DOCK2: variants seen among roughly 807,000 people sequenced by gnomAD.
The protein encoded by DOCK2 is dedicator of cytokinesis protein 2.
In DOCK2, 87 loss-of-function variants were observed where a neutral mutation model predicts 248.9. That is an observed-to-expected ratio of 0.35 (90% CI 0.29 to 0.42). The LOEUF is 0.42. Among genes scored for constraint, DOCK2 ranks in the 10% least tolerant of loss-of-function variants. The pLI, the probability that DOCK2 is intolerant of heterozygous loss-of-function variation, is 1.00. For synonymous variants in DOCK2, 805 were observed against 821.6 expected (o/e 0.98, Z 0.35); for missense variants, 1,747 against 2,300.2 (o/e 0.76, Z 4.92).
rs561467559 is a variant in DOCK2, at chr5:170,022,621, C to A, written c.3381+3513C>A. Among the ~76,000 whole-genome samples the A allele has an allele frequency of 2.2e-4, 33 of 152,204 alleles. 1 individual carries two copies. Among genetic ancestry groups the A allele is most frequent in the Non-Finnish European group, 4.1e-4 (28 of 68,018 alleles). ...TTTCAGCAAGAGGGCCTTAGGTGGA[C>A]CCCATTGTGGCCGGCTTGGCCAGGA... On this transcript the variant is annotated intron_variant, in intron 33 of 51. Transcript: ENST00000520908.
At chr5:169,655,806 A>G (rs1381634515) in intron 2 of DOCK2, among the ~76,000 whole-genome samples, 1 of 152,242 alleles carries the variant, frequency 6.6e-6, no homozygotes, top group Non-Finnish European at 1.5e-5. Flanking sequence ...GTGGGCAAAT[A>G]ATTTGAAATT....
In DOCK2 at chr5:170,081,938, A is replaced by G. The variant is rs2113881277; in HGVS notation, c.5384A>G (p.Lys1795Arg). 1 of 1,614,162 alleles carries G rather than the reference A, an allele frequency of 6.2e-7. No homozygotes were observed. The highest frequency in any genetic ancestry group is 2.2e-5 in the East Asian group (1 of 44,878). Residue 1795 changes from lysine to arginine, a missense_variant, in exon 51 of 52, where the codon AAG (lysine) becomes AGG (arginine). Lys to Arg is a conservative substitution (Grantham distance 26). Around this residue, in one of 4 missense-constraint regions of DOCK2, gnomAD observed 513 missense variants for 586.1 expected, o/e 0.88. Coordinates refer to ENST00000520908, the MANE Select transcript of DOCK2 (RefSeq NM_004946.3). ...QTFLQLSDGD[K>R]KTLTRKKVNQ... is the part of the protein sequence containing the mutation. ...TTCCTCCAACTCTCAGATGGTGACA[A>G]GAAGACACTCACACGGAAGAAGGTC...
chr5:170,022,624 C>A (rs550313550), intron 33 of DOCK2, among the ~76,000 whole-genome samples: 1 of 152,248 alleles, frequency 6.6e-6, no homozygotes, highest in South Asian at 2.1e-4. Flanking sequence ...AGGTGGACCC[C>A]ATTGTGGCCG....
chr5:169,954,309 A>C (rs1234798088), intron 27 of DOCK2, among the ~76,000 whole-genome samples: 1 of 152,264 alleles, frequency 6.6e-6, no homozygotes, highest in Admixed American at 6.5e-5. Context: ...TAAGTGTAAT[A>C]AAATTTTTAT....
intron 27 of DOCK2, among the ~76,000 whole-genome samples, chr5:169,921,552 C>T (rs566314840): frequency 2.0e-5 from 3 of 152,322 alleles, no homozygotes; most frequent in East Asian, 1.9e-4. Flanking sequence ...TCCTCCTCTT[C>T]GTAGGAATTT....
At chr5:169,714,570 A>G (rs1761796786) in intron 19 of DOCK2, 113 bp downstream of exon 19, 1 of 1,087,402 alleles carries the variant, frequency 9.2e-7, no homozygotes, top group East Asian at 2.5e-5. Flanking sequence ...TTTTCTTCCA[A>G]CAGTAGGATA....
In DOCK2 at chr5:170,008,482, CTCTT is replaced by C; in HGVS notation, c.3073-12_3073-9del. ...AGACCCTCTCCATAACTGTTCTCTGCTCTTTCATTTACAGCTGTGGAACAACTAT... is the reference window on the plus strand; with the variant it reads ...AGACCCTCTCCATAACTGTTCTCTGCTCATTTACAGCTGTGGAACAACTAT... On this transcript the variant is annotated splice_polypyrimidine_tract_variant and intron_variant, in intron 30 of 51. Transcript: ENST00000520908. 6.2e-7 allele frequency: 1 copy of C among 1,613,816 alleles called. No homozygotes were observed. The highest frequency in any genetic ancestry group is 8.5e-7 in the Non-Finnish European group (1 of 1,179,694).
rs544531758 is a variant in DOCK2 at position 169,825,889 on chromosome 5, C to T, written c.2704-14868C>T. On this transcript the variant is annotated intron_variant, in intron 26 of 51. Coordinates refer to ENST00000520908, the MANE Select transcript of DOCK2 (RefSeq NM_004946.3). Reference sequence around the variant, plus strand: ...TGGAAGACGAGTCACAACACTACACCCTCTTGGTTATATGGTGAAAAGTGA... The same window carrying T: ...TGGAAGACGAGTCACAACACTACACTCTCTTGGTTATATGGTGAAAAGTGA... Among the ~76,000 whole-genome samples the T allele has an allele frequency of 1.8e-3, 263 of 149,976 alleles. 9 individuals carry two copies. The South Asian group carries it at 0.053, about 30-fold the overall frequency.
intron 22 of DOCK2, among the ~76,000 whole-genome samples, chr5:169,727,050 A>G (rs1009724835): frequency 6.6e-6 from 1 of 151,326 alleles, no homozygotes; most frequent in Non-Finnish European, 1.5e-5. Flanking sequence ...TCTGAGTGAT[A>G]GAGTGCGACC....
intron 27 of DOCK2, among the ~76,000 whole-genome samples, chr5:169,916,052 G>C (rs1774856680): frequency 6.6e-6 from 1 of 152,158 alleles, no homozygotes. Context: ...TAGATTAGAA[G>C]TATGGGAACT....
intron 26 of DOCK2, among the ~76,000 whole-genome samples, chr5:169,828,652 T>C (rs1769028231): frequency 6.6e-6 from 1 of 152,168 alleles, no homozygotes; most frequent in Non-Finnish European, 1.5e-5. Flanking sequence ...CCATTTCCTG[T>C]CAAATAACCC....
intron 27 of DOCK2, chr5:169,882,935 G>C: frequency 6.4e-7 from 1 of 1,551,936 alleles, no homozygotes; most frequent in Non-Finnish European, 8.7e-7. Context: ...CTTCCTGGGT[G>C]GGCTGGCTGG....
At chr5:170,061,985 T>C (rs542797996) in intron 44 of DOCK2, among the ~76,000 whole-genome samples, 52 of 152,202 alleles carry the variant, frequency 3.4e-4, no homozygotes, top group Non-Finnish European at 5.1e-4. Flanking sequence ...GACATTGTTC[T>C]CCTTCAGTTA....
chr5:169,891,951 G>T (rs1773311427), intron 27 of DOCK2, among the ~76,000 whole-genome samples: 1 of 147,888 alleles, frequency 6.8e-6, no homozygotes, highest in Non-Finnish European at 1.5e-5. Context: ...AGCCGAGATT[G>T]TGCCATTGCA....
At chr5:170,042,586 T>C (rs190769646) in intron 38 of DOCK2, among the ~76,000 whole-genome samples, 40 of 152,318 alleles carry the variant, frequency 2.6e-4, no homozygotes, top group Middle Eastern at 3.4e-3. Flanking sequence ...ACGTGCTCTA[T>C]GCCAAGCTCT....
intron 33 of DOCK2, among the ~76,000 whole-genome samples, chr5:170,024,036 G>A (rs1241995756): frequency 6.6e-6 from 1 of 152,234 alleles, no homozygotes; most frequent in African/African-American, 2.4e-5. Flanking sequence ...CCAGTCTCCT[G>A]GAAGAGGGAG....
chr5:169,730,082 G>A (rs970867486), intron 22 of DOCK2, among the ~76,000 whole-genome samples: 15 of 151,970 alleles, frequency 9.9e-5, no homozygotes, highest in Non-Finnish European at 1.5e-4. Context: ...TCAGCCTCCC[G>A]AGTAGCTGGG....
chr5:170,050,484 A>C, intron 41 of DOCK2, 87 bp downstream of exon 41: 355 of 1,463,804 alleles, frequency 2.4e-4, no homozygotes, highest in Non-Finnish European at 2.8e-4. Context: ...CTTAGAGCTC[A>C]GGGCTGCTGC....
At chr5:169,911,918 G>T (rs529706869) in intron 27 of DOCK2, among the ~76,000 whole-genome samples, 1 of 152,208 alleles carries the variant, frequency 6.6e-6, no homozygotes, top group Admixed American at 6.5e-5. Flanking sequence ...GTCTCATGGG[G>T]CTATTAAATA....
Sources: allele counts gnomAD v4.1 joint callset (sites outside exome capture counted in the v4.1 genomes callset), GRCh38; gene constraint gnomAD v4.1.1; regional missense constraint gnomAD v4.1.1; transcripts MANE v1.5; gene names NCBI Gene and HGNC (gene_info 2026-07-23, HGNC 2026-07-21).